Variants in PHC3 observed in about 807,000 individuals in gnomAD.
PHC3 encodes the protein polyhomeotic homolog 3.
PHC3 carries 13 observed loss-of-function variants against 107.4 expected under a neutral mutation model. That is an observed-to-expected ratio of 0.12 (90% CI 0.08 to 0.19). The LOEUF (loss-of-function observed/expected upper bound fraction) is 0.19, where lower values mean the gene tolerates loss of function less well. Among genes scored for constraint, PHC3 ranks in the 10% least tolerant of loss-of-function variants. PHC3 has a pLI of 1.00. For synonymous variants in PHC3, 456 were observed against 427.4 expected, an observed-to-expected ratio of 1.07 and a Z score of -0.83; for missense variants, 992 against 1,210.9, an observed-to-expected ratio of 0.82 and a Z score of 2.68.
chr3:170,178,849 G>A lies in PHC3; in HGVS notation c.104C>T (p.Thr35Ile). 6.2e-7 allele frequency: 1 copy of A among 1,608,740 alleles called. No homozygotes were observed. The highest frequency in any genetic ancestry group is 8.5e-7 in the Non-Finnish European group (1 of 1,175,574). The change falls in exon 2 of 15, where the codon ACC becomes ATC. Residue 35 changes from threonine (T) to isoleucine (I), a missense_variant. By Grantham distance (89) the Thr-to-Ile change is moderately conservative. This residue lies in a region of PHC3 where 161 missense variants were observed against 183.7 expected (regional missense o/e 0.88). Transcript: ENST00000495893. ...CATTCGAGAGGAGGAAGTGGTGATG[G>A]TGGTGGTGGTGGTACTGCTGGTTGT... Reference protein sequence around the residue: ...STTTSSTTTTTITTSSSRMQQ... With the variant: ...STTTSSTTTTIITTSSSRMQQ...
chr3:170,173,091 C>T (rs1239993820), intron 2 of PHC3, among the ~76,000 whole-genome samples: 1 of 151,752 alleles, frequency 6.6e-6, no homozygotes. Context: ...ACTCGGGAGG[C>T]TGAGGCAGGA....
intron 11 of PHC3, among the ~76,000 whole-genome samples, chr3:170,112,067 C>T (rs79106953): frequency 0.012 from 1,858 of 152,258 alleles, 40 homozygotes; most frequent in African/African-American, 0.042. Flanking sequence ...CTATAGAACA[C>T]GGCAATTCAG....
chr3:170,157,523 G>C (rs1048013004), intron 4 of PHC3, among the ~76,000 whole-genome samples: 6 of 152,050 alleles, frequency 3.9e-5, no homozygotes, highest in Non-Finnish European at 8.8e-5. Flanking sequence ...ATTAGGTTTT[G>C]GAAAAGGCTT....
intron 10 of PHC3, among the ~76,000 whole-genome samples, chr3:170,114,140 G>A (rs973288180): frequency 6.6e-6 from 1 of 152,118 alleles, no homozygotes; most frequent in Non-Finnish European, 1.5e-5. Flanking sequence ...CTCCCAAGTA[G>A]CTGGGATTAC....
intron 8 of PHC3, among the ~76,000 whole-genome samples, chr3:170,124,508 G>A (rs955963938): frequency 2.0e-5 from 3 of 152,110 alleles, no homozygotes; most frequent in Admixed American, 2.0e-4. Context: ...GACCACAGGT[G>A]TTCACTAACA....
At chr3:170,177,154 T>C (rs1730604170) in intron 2 of PHC3, among the ~76,000 whole-genome samples, 1 of 152,202 alleles carries the variant, frequency 6.6e-6, no homozygotes, top group African/African-American at 2.4e-5. Flanking sequence ...CTGGGTTTAA[T>C]ATAAACTTCG....
At chr3:170,142,693 T>A (rs1470546659) in intron 6 of PHC3, among the ~76,000 whole-genome samples, 5 of 152,204 alleles carry the variant, frequency 3.3e-5, no homozygotes, top group African/African-American at 1.2e-4. Context: ...TAGTTTTATT[T>A]GTGTCTTTTT....
At chr3:170,178,017 A>G (rs1730765084) in intron 2 of PHC3, among the ~76,000 whole-genome samples, 1 of 151,968 alleles carries the variant, frequency 6.6e-6, no homozygotes, top group Non-Finnish European at 1.5e-5. Flanking sequence ...CTGTGGTTAA[A>G]TGTGTCCCCC....
At chr3:170,163,859 T>TC in intron 4 of PHC3, among the ~76,000 whole-genome samples, 1 of 71,906 alleles carries the variant, frequency 1.4e-5, no homozygotes, top group African/African-American at 6.6e-5. Context: ...CAAGACTCTG[T>TC]CCAAAAAAAA....
intron 7 of PHC3, among the ~76,000 whole-genome samples, chr3:170,132,778 C>A (rs1241359978): frequency 1.3e-5 from 2 of 152,206 alleles, no homozygotes; most frequent in Non-Finnish European, 2.9e-5. Flanking sequence ...GACCTTCTCA[C>A]TACACAATGA....
chr3:170,131,834 C>T (rs1050018426), intron 7 of PHC3, among the ~76,000 whole-genome samples: 3 of 151,734 alleles, frequency 2.0e-5, no homozygotes, highest in Non-Finnish European at 2.9e-5. Context: ...GAGACGCCAT[C>T]TCAAAAAAAA....
intron 7 of PHC3, among the ~76,000 whole-genome samples, chr3:170,130,547 T>C (rs1288155237): frequency 6.6e-6 from 1 of 152,120 alleles, no homozygotes; most frequent in Non-Finnish European, 1.5e-5. Context: ...AGGAAAACAC[T>C]AGTTTTGCTT....
intron 10 of PHC3, among the ~76,000 whole-genome samples, chr3:170,116,478 A>T (rs1718992468): frequency 6.6e-6 from 1 of 152,136 alleles, no homozygotes; most frequent in African/African-American, 2.4e-5. Flanking sequence ...AAGGCATGAG[A>T]ATCACCTAAA....
intron 11 of PHC3, among the ~76,000 whole-genome samples, chr3:170,107,311 G>T (rs1716736112): frequency 6.6e-6 from 1 of 152,178 alleles, no homozygotes; most frequent in African/African-American, 2.4e-5. Flanking sequence ...AAAGCTGAGG[G>T]TGGGATATGA....
At position 170,113,429 on chromosome 3, in the gene PHC3, C is replaced by G. The variant is rs775632451; in HGVS notation, c.2284G>C (p.Glu762Gln). 7 of 1,613,374 alleles carry G rather than the reference C, an allele frequency of 4.3e-6. No homozygotes were observed. In the South Asian group the frequency reaches 7.7e-5, roughly 18 times the overall value. Residue 762 changes from glutamate (E) to glutamine (Q), a missense_variant, in exon 11 of 15, where the codon GAG becomes CAG. This residue lies in a region of PHC3 where 228 missense variants were observed against 288.8 expected (regional missense o/e 0.79). Coordinates refer to ENST00000495893, the MANE Select transcript of PHC3 (RefSeq NM_024947.4). ...GCATGTTTTGTATTATTCTGTAGCT[C>G]TGGCTGAACACACACTGAATTTATC... ...QVINSVCVQPELQNNTKHADN... is the reference protein window; with the variant it reads ...QVINSVCVQPQLQNNTKHADN...
intron 9 of PHC3, among the ~76,000 whole-genome samples, chr3:170,120,586 A>T (rs538258289): frequency 6.6e-6 from 1 of 152,132 alleles, no homozygotes; most frequent in Non-Finnish European, 1.5e-5. Flanking sequence ...AAAAAAAACA[A>T]TAATATAAAA....
At chr3:170,153,356 C>T (rs140800377) in intron 4 of PHC3, among the ~76,000 whole-genome samples, 1,850 of 152,210 alleles carry the variant, frequency 0.012, 40 homozygotes, top group African/African-American at 0.042. Flanking sequence ...GGGCCCATGT[C>T]ATTTCTGGCT....
At chr3:170,154,630 GAA>G (rs1387243634) in intron 4 of PHC3, among the ~76,000 whole-genome samples, 1 of 152,142 alleles carries the variant, frequency 6.6e-6, no homozygotes, top group Admixed American at 6.5e-5. Context: ...TCTTAAAAAA[GAA>G]AAGAGGAAGT....
chr3:170,167,938 C>T (rs1728977466), intron 4 of PHC3, among the ~76,000 whole-genome samples: 1 of 152,054 alleles, frequency 6.6e-6, no homozygotes. Context: ...TGGAGGATCA[C>T]TTGAGCTCAG....
Sources: gnomAD v4.1 joint callset for allele counts (sites outside exome capture counted in the v4.1 genomes callset) on GRCh38, gnomAD v4.1.1 for gene constraint, gnomAD v4.1.1 regional missense constraint, MANE v1.5 for transcripts, NCBI Gene and HGNC (gene_info 2026-07-23, HGNC 2026-07-21) for gene names.